The following FOXN3 variants were observed in gnomAD, a reference collection of about 807,000 sequenced individuals.
FOXN3 encodes the protein forkhead box protein N3.
In FOXN3, 7 loss-of-function variants were observed where a neutral mutation model predicts 38.4. The ratio of observed to expected loss-of-function variants is 0.18; its 90% CI spans 0.10 to 0.34. The LOEUF is 0.34. FOXN3 is among the 10% of genes least tolerant of loss of function. FOXN3 has a pLI of 1.00. For missense variants in FOXN3, 456 were observed against 613.4 expected (o/e 0.74, Z 2.71); for synonymous variants, 230 against 242.2 (o/e 0.95, Z 0.47).
intron 1 of FOXN3, among the ~76,000 whole-genome samples, chr14:89,413,848 A>G (rs1596260672): frequency 9.7e-6 from 1 of 102,934 alleles, no homozygotes; most frequent in Admixed American, 1.2e-4. Flanking sequence ...GGGAGAGGAG[A>G]GGAGGGGAAG....
chr14:89,609,532 A>G (rs1896348837), intron 1 of FOXN3, among the ~76,000 whole-genome samples: 1 of 152,212 alleles, frequency 6.6e-6, no homozygotes, highest in Admixed American at 6.5e-5. Context: ...AGTGCTTTTC[A>G]GGGACTCATG....
At chr14:89,290,229 C>T in intron 3 of FOXN3, 2 of 296,164 alleles carry the variant, frequency 6.8e-6, no homozygotes, top group South Asian at 3.5e-5. Flanking sequence ...CCATCCCATG[C>T]TGTCTTGAAC....
intron 1 of FOXN3, among the ~76,000 whole-genome samples, chr14:89,572,490 C>T (rs1419296858): frequency 6.6e-6 from 1 of 152,216 alleles, no homozygotes; most frequent in Non-Finnish European, 1.5e-5. Flanking sequence ...CAGGCACTGG[C>T]TGGCCCTAAG....
At chr14:89,363,017 G>A (rs1358192669) in intron 2 of FOXN3, among the ~76,000 whole-genome samples, 1 of 152,114 alleles carries the variant, frequency 6.6e-6, no homozygotes, top group Non-Finnish European at 1.5e-5. Context: ...AACCTCTAGA[G>A]GAACACAAAC....
At chr14:89,346,433 T>A (rs1022584592) in intron 3 of FOXN3, among the ~76,000 whole-genome samples, 2 of 152,186 alleles carry the variant, frequency 1.3e-5, no homozygotes, top group African/African-American at 2.4e-5. Context: ...CTGATGACCT[T>A]GGGGCTTTGA....
intron 4 of FOXN3, among the ~76,000 whole-genome samples, chr14:89,254,181 G>C (rs892931574): frequency 6.6e-6 from 1 of 152,172 alleles, no homozygotes; most frequent in Non-Finnish European, 1.5e-5. Context: ...ACACGTTTCT[G>C]TAGGATGAAT....
intron 3 of FOXN3, among the ~76,000 whole-genome samples, chr14:89,332,045 G>A (rs576585185): frequency 4.6e-5 from 7 of 151,972 alleles, no homozygotes; most frequent in African/African-American, 1.5e-4. Context: ...TATTGACCAC[G>A]GGCAACTTCA....
In FOXN3 at chr14:89,373,500, C is replaced by T. The variant is rs577263669; in HGVS notation, c.544-22692G>A. 3.7e-4 allele frequency among the ~76,000 whole-genome samples: 56 copies of T among 152,228 alleles called. 1 individual carries two copies. In the South Asian group the frequency reaches 0.011, roughly 31 times the overall value. On this transcript the variant is annotated intron_variant, in intron 2 of 5. Transcript: ENST00000557258. ...GTGGGGGGAGACCAATGATGAGATC[C>T]AGGTAACAGCAGCCTTAACTCTTTT...
intron 1 of FOXN3, among the ~76,000 whole-genome samples, chr14:89,461,380 ACCTAC>A (rs943291827): frequency 2.6e-5 from 4 of 151,728 alleles, no homozygotes; most frequent in African/African-American, 9.7e-5. Context: ...GTCTGTCTTC[ACCTAC>A]CAGAATGTAT....
At chr14:89,534,100 CTTT>C (rs79800046) in intron 1 of FOXN3, among the ~76,000 whole-genome samples, 19 of 113,832 alleles carry the variant, frequency 1.7e-4, no homozygotes, top group African/African-American at 2.2e-4. Flanking sequence ...ATTATACATT[CTTT>C]TTTTTTTTTT....
chr14:89,579,739 CT>C (rs1895707262), intron 1 of FOXN3, among the ~76,000 whole-genome samples: 2 of 152,172 alleles, frequency 1.3e-5, no homozygotes. Context: ...TCTGGCCACC[CT>C]TACCAAATGG....
chr14:89,192,888 C>T (rs893198763), intron 4 of FOXN3, among the ~76,000 whole-genome samples: 12 of 151,522 alleles, frequency 7.9e-5, no homozygotes, highest in Non-Finnish European at 1.2e-4. Flanking sequence ...GCCCCTGTGG[C>T]TCCCACTGCC....
chr14:89,236,915 GCT>G (rs1884998483), intron 4 of FOXN3, among the ~76,000 whole-genome samples: 2 of 152,156 alleles, frequency 1.3e-5, no homozygotes, highest in Non-Finnish European at 2.9e-5. Context: ...CCACTTATCA[GCT>G]CTTTTAGCCC....
intron 1 of FOXN3, among the ~76,000 whole-genome samples, chr14:89,441,575 C>T (rs1181319975): frequency 2.6e-5 from 4 of 152,110 alleles, no homozygotes; most frequent in African/African-American, 9.7e-5. Context: ...GCCCCAGACA[C>T]CCTACTAGCT....
chr14:89,555,357 G>A (rs943097479), intron 1 of FOXN3, among the ~76,000 whole-genome samples: 3 of 152,112 alleles, frequency 2.0e-5, no homozygotes, highest in Non-Finnish European at 2.9e-5. Context: ...TGCCATCAGC[G>A]ACAGGAGGAG....
At chr14:89,432,530 G>A (rs1396974987) in intron 1 of FOXN3, among the ~76,000 whole-genome samples, 1 of 152,136 alleles carries the variant, frequency 6.6e-6, no homozygotes, top group African/African-American at 2.4e-5. Context: ...TACAGGATAG[G>A]TGCTGTCATC....
At chr14:89,515,725 G>A (rs780011279) in intron 1 of FOXN3, among the ~76,000 whole-genome samples, 1 of 152,188 alleles carries the variant, frequency 6.6e-6, no homozygotes, top group Non-Finnish European at 1.5e-5. Context: ...GACAGAGGGA[G>A]ACTGTGTCTC....
At chr14:89,217,614 C>T (rs1456244345) in intron 4 of FOXN3, among the ~76,000 whole-genome samples, 6 of 152,232 alleles carry the variant, frequency 3.9e-5, no homozygotes, top group Non-Finnish European at 2.9e-5. Flanking sequence ...GTTTCCTCTC[C>T]AAAGGGGACC....
intron 2 of FOXN3, among the ~76,000 whole-genome samples, chr14:89,368,341 A>AG (rs1890217238): frequency 7.0e-6 from 1 of 143,516 alleles, no homozygotes; most frequent in African/African-American, 2.6e-5. Flanking sequence ...AAAAAAAAAA[A>AG]AAAAGAACAC....
Sources: gnomAD v4.1 joint callset for allele counts (sites outside exome capture counted in the v4.1 genomes callset) on GRCh38, gnomAD v4.1.1 for gene constraint, MANE v1.5 for transcripts, NCBI Gene and HGNC (gene_info 2026-07-23, HGNC 2026-07-21) for gene names.